The following PTPRN2 variants were observed in gnomAD, a reference collection of about 807,000 sequenced individuals.
The protein encoded by PTPRN2 is protein tyrosine phosphatase receptor type N2.
PTPRN2 carries 74 observed loss-of-function variants against 118.8 expected under a neutral mutation model. The ratio of observed to expected loss-of-function variants is 0.62; its 90% CI spans 0.52 to 0.76. The LOEUF is 0.76. PTPRN2 is among the 30% of genes least tolerant of loss of function. The pLI is 0.00. For synonymous variants in PTPRN2, 641 were observed against 608.0 expected (o/e 1.05, Z -0.80); for missense variants, 1,481 against 1,394.4 (o/e 1.06, Z -0.99).
chr7:158,041,100 G>A (rs1009893031), intron 11 of PTPRN2, among the ~76,000 whole-genome samples: 3 of 152,054 alleles, frequency 2.0e-5, no homozygotes, highest in African/African-American at 7.2e-5. Context: ...TCCGACACTC[G>A]GATCTAAACA....
intron 11 of PTPRN2, among the ~76,000 whole-genome samples, chr7:158,038,138 T>C (rs1284611895): frequency 6.6e-6 from 1 of 152,164 alleles, no homozygotes; most frequent in African/African-American, 2.4e-5. Context: ...TAGAAATTCA[T>C]GTATAAAGTA....
intron 11 of PTPRN2, among the ~76,000 whole-genome samples, chr7:157,919,287 ACTCT>A (rs758082439): frequency 6.6e-5 from 10 of 152,030 alleles, no homozygotes; most frequent in East Asian, 1.9e-4. Flanking sequence ...AGAAAACAAA[ACTCT>A]CTCATCATTT....
chr7:157,607,807 G>A (rs1446232329), intron 15 of PTPRN2, among the ~76,000 whole-genome samples: 2 of 152,278 alleles, frequency 1.3e-5, no homozygotes, highest in South Asian at 2.1e-4. Context: ...GTCCTGGGGA[G>A]TTAGACATGC....
chr7:157,793,643 G>A lies in PTPRN2; in HGVS notation c.1788+105030C>T, dbSNP rs75194259. On this transcript the variant is annotated intron_variant, in intron 12 of 22. Transcript: ENST00000389418. ...GGAGCAATGGTGAGTTCTGCCACAC[G>A]TGGAAAACACGTTGGCTTCTCTGGG... 5.1e-3 allele frequency among the ~76,000 whole-genome samples: 779 copies of A among 152,276 alleles called. 17 individuals are homozygous for A. The South Asian group carries it at 0.059, about 12-fold the overall frequency.
intron 1 of PTPRN2, among the ~76,000 whole-genome samples, chr7:158,523,551 C>G (rs71547548): frequency 0.014 from 541 of 39,562 alleles, 16 homozygotes; most frequent in East Asian, 0.031. Context: ...GAATGGAGTC[C>G]TCTGCCCTGG....
In PTPRN2 at chr7:157,609,188, G is replaced by A. The variant is rs2150593485; in HGVS notation, c.2345-5113C>T. On this transcript the variant is annotated intron_variant, in intron 15 of 22. Transcript: ENST00000389418. The surrounding 1 kb of genome is among the most constrained non-coding windows in gnomAD (Gnocchi z 4.9). Reference sequence around the variant, plus strand: ...ACCTGAGGTCAGGAGTTCGAGACCAGTCTGGCCAAAGTGGCAAAACCACGT... The same window carrying A: ...ACCTGAGGTCAGGAGTTCGAGACCAATCTGGCCAAAGTGGCAAAACCACGT... 6.6e-6 allele frequency among the ~76,000 whole-genome samples: 1 copy of A among 152,282 alleles called. No individual in the cohort carries two copies. The highest frequency in any genetic ancestry group is 1.5e-5 in the Non-Finnish European group (1 of 68,032).
chr7:157,569,157 G>A (rs904573239), intron 20 of PTPRN2, among the ~76,000 whole-genome samples, 191 bp from the exon 21 acceptor site: 6 of 152,258 alleles, frequency 3.9e-5, no homozygotes, highest in Non-Finnish European at 7.3e-5. Flanking sequence ...GCCCCTGGGG[G>A]CTTCGAGCCT....
intron 11 of PTPRN2, among the ~76,000 whole-genome samples, chr7:158,075,334 G>T (rs1352824429): frequency 6.6e-6 from 1 of 152,190 alleles, no homozygotes; most frequent in Non-Finnish European, 1.5e-5. Context: ...CTGCTCTTTG[G>T]CAGCAGAACC....
At chr7:158,071,695 T>TCC (rs1563392910) in intron 11 of PTPRN2, among the ~76,000 whole-genome samples, 11 of 119,672 alleles carry the variant, frequency 9.2e-5, no homozygotes, top group African/African-American at 2.6e-4. Context: ...GTGGAGGTGC[T>TCC]TGTGGTGGAG....
chr7:157,926,886 T>C (rs1799024797), intron 11 of PTPRN2, among the ~76,000 whole-genome samples: 1 of 151,088 alleles, frequency 6.6e-6, no homozygotes, highest in Non-Finnish European at 1.5e-5. Flanking sequence ...CGGCTCACTG[T>C]CTGCAAGCAA....
chr7:158,043,999 A>G (rs1346751662), intron 11 of PTPRN2, among the ~76,000 whole-genome samples: 1 of 152,240 alleles, frequency 6.6e-6, no homozygotes, highest in Non-Finnish European at 1.5e-5. Context: ...GAAAGGCCAC[A>G]CGCCGAGGCT....
At chr7:157,809,427 C>T (rs1003297121) in intron 12 of PTPRN2, among the ~76,000 whole-genome samples, 49 of 152,228 alleles carry the variant, frequency 3.2e-4, no homozygotes, top group African/African-American at 1.2e-3. Context: ...GCCGTGTGAG[C>T]TCCCGCGTAG....
chr7:157,548,699 A>C (rs1798445350), intron 22 of PTPRN2, among the ~76,000 whole-genome samples: 1 of 152,140 alleles, frequency 6.6e-6, no homozygotes, highest in Non-Finnish European at 1.5e-5. Context: ...GGAAAGAGCC[A>C]GTGGATCGAG....
chr7:157,644,525 C>A (rs763240743), intron 14 of PTPRN2, among the ~76,000 whole-genome samples: 2 of 152,104 alleles, frequency 1.3e-5, no homozygotes, highest in East Asian at 1.9e-4. Context: ...TGGCTGGGCG[C>A]GGTGGCTCAT....
In PTPRN2 at chr7:158,169,827, G is replaced by A. The variant is rs117432206; in HGVS notation, c.550-2536C>T. 4.7e-3 allele frequency among the ~76,000 whole-genome samples: 712 copies of A among 151,848 alleles called. 32 individuals carry two copies. In the South Asian group the frequency reaches 0.082, roughly 18 times the overall value. ...CTGCTTCAGCCTCCTGAGTAACTGG[G>A]ATTACAGGTGCCCTTCACCACGCCC... is the stretch of plus-strand genomic sequence containing the variant. On this transcript the variant is annotated intron_variant, in intron 5 of 22. Coordinates refer to ENST00000389418, the MANE Select transcript of PTPRN2 (RefSeq NM_002847.5).
intron 1 of PTPRN2, among the ~76,000 whole-genome samples, chr7:158,576,208 C>T (rs1339108481): frequency 2.0e-5 from 3 of 152,148 alleles, no homozygotes; most frequent in African/African-American, 7.2e-5. Context: ...CACACCAAGT[C>T]ACTCACAGCC....
Position 157,779,170 on chromosome 7 carries a change from C to T in PTPRN2, c.1789-96233G>A, listed in dbSNP as rs899211555. Among the ~76,000 whole-genome samples the T allele has an allele frequency of 4.6e-5, 7 of 152,160 alleles. No homozygotes were observed. The highest frequency in any genetic ancestry group is 3.3e-4 in the Admixed American group (5 of 15,272). ...CAGGCCTTACATATAGAGGTAGTAG[C>T]GCTACATTGAGGATGCTGGACACGG... On this transcript the variant is annotated intron_variant, in intron 12 of 22. Coordinates refer to ENST00000389418, the MANE Select transcript of PTPRN2 (RefSeq NM_002847.5). This position sits in a 1 kb window ranked among gnomAD's most constrained non-coding sequence, Gnocchi z 4.7.
chr7:157,980,170 T>C (rs1803029853), intron 11 of PTPRN2, among the ~76,000 whole-genome samples: 1 of 152,208 alleles, frequency 6.6e-6, no homozygotes. Flanking sequence ...TCACTGAGGT[T>C]TCTCTGCAAA....
intron 2 of PTPRN2, among the ~76,000 whole-genome samples, chr7:158,326,846 C>CAT (rs540966112): frequency 6.7e-6 from 1 of 150,324 alleles, no homozygotes; most frequent in Non-Finnish European, 1.5e-5. Flanking sequence ...CACATGCATT[C>CAT]TCACACACAT....
Sources: gnomAD v4.1 joint callset for allele counts (sites outside exome capture counted in the v4.1 genomes callset) on GRCh38, gnomAD v4.1.1 for gene constraint, Gnocchi (gnomAD v3.1) non-coding constraint, MANE v1.5 for transcripts, NCBI Gene and HGNC (gene_info 2026-07-23, HGNC 2026-07-21) for gene names.